The following ABCB11 variants were observed in gnomAD, a reference collection of about 807,000 sequenced individuals.
The protein encoded by ABCB11 is bile salt export pump.
Under a neutral mutation model 148.0 loss-of-function variants are expected in ABCB11, and 95 were observed. The observed-to-expected ratio is 0.64, with a 90% CI of 0.54 to 0.76. ABCB11 has a LOEUF of 0.76. Among genes scored for constraint, ABCB11 ranks in the 30% least tolerant of loss-of-function variants. The probability of loss-of-function intolerance (pLI) is 0.00; values close to 1 mark genes in which losing one functional copy is unlikely to be tolerated. For missense variants in ABCB11, 1,523 were observed against 1,617.8 expected (o/e 0.94, Z 1.01); for synonymous variants, 591 against 555.4 (o/e 1.06, Z -0.90).
At chr2:168,936,514 T>C (rs779332912) in intron 21 of ABCB11, 81 bp from the exon 22 acceptor site, 41 of 1,322,580 alleles carry the variant, frequency 3.1e-5, no homozygotes, top group South Asian at 1.8e-4. Context: ...GGTCAGACCT[T>C]TTATAAAGTT....
intron 6 of ABCB11, among the ~76,000 whole-genome samples, chr2:168,996,425 G>A (rs35440743): frequency 2.3e-3 from 354 of 152,062 alleles, no homozygotes; most frequent in African/African-American, 8.0e-3. Flanking sequence ...ACAACTACGA[G>A]TCTATTATGC....
At chr2:168,925,230 A>G (rs1318105042) in intron 26 of ABCB11, among the ~76,000 whole-genome samples, 2 of 152,352 alleles carry the variant, frequency 1.3e-5, no homozygotes, top group East Asian at 3.9e-4. Context: ...TTAGGGAGGC[A>G]GCATTCTGGA....
chr2:168,925,995 G>T (rs1691291099), intron 26 of ABCB11, among the ~76,000 whole-genome samples: 1 of 152,138 alleles, frequency 6.6e-6, no homozygotes, highest in Admixed American at 6.5e-5. Flanking sequence ...TAAGAACTGG[G>T]CCAAGAGCCT....
At chr2:169,025,295 C>A (rs984011765) in intron 1 of ABCB11, among the ~76,000 whole-genome samples, 1 of 152,142 alleles carries the variant, frequency 6.6e-6, no homozygotes, top group African/African-American at 2.4e-5. Flanking sequence ...CTTCACTCTA[C>A]GTAGTTGGAT....
In ABCB11 at chr2:168,996,684, C is replaced by T. The variant is rs377591610; in HGVS notation, c.428G>A (p.Ser143Asn). Residue 143 changes from serine to asparagine, a missense_variant, in exon 6 of 28, where the codon AGT (serine) becomes AAT (asparagine). Transcript: ENST00000650372. ...TGCGACAGCAATTCCAGCATAGTAACTGGCAAATTTGATCATTTCGCTCTC... is the reference window on the plus strand; with the variant it reads ...TGCGACAGCAATTCCAGCATAGTAATTGGCAAATTTGATCATTTCGCTCTC... ...NIESEMIKFA[S>N]YYAGIAVAVL... 12 of 1,574,864 alleles carry T rather than the reference C, an allele frequency of 7.6e-6. No homozygotes were observed. The highest frequency in any genetic ancestry group is 1.0e-5 in the Non-Finnish European group (12 of 1,158,182).
intron 1 of ABCB11, among the ~76,000 whole-genome samples, chr2:169,021,329 G>A (rs1695533590): frequency 6.6e-6 from 1 of 152,134 alleles, no homozygotes; most frequent in Non-Finnish European, 1.5e-5. Context: ...CAAAATTAAA[G>A]GGTGAAAAGG....
At chr2:168,987,707 A>G (rs1350985503) in intron 9 of ABCB11, among the ~76,000 whole-genome samples, 4 of 152,334 alleles carry the variant, frequency 2.6e-5, no homozygotes, top group South Asian at 4.1e-4. Flanking sequence ...CTGGGATTAC[A>G]GGTGTGAGCC....
chr2:168,934,257 T>A (rs1181040674), intron 23 of ABCB11, among the ~76,000 whole-genome samples: 1 of 151,868 alleles, frequency 6.6e-6, no homozygotes, highest in African/African-American at 2.4e-5. Flanking sequence ...TGTAGTGGAG[T>A]GGGAGAGAAG....
Position 168,970,178 on chromosome 2 carries a change from A to T in ABCB11, c.1676T>A (p.Met559Lys). The change falls in exon 15 of 28, where the codon ATG becomes AAG. Residue 559 changes from methionine (M) to lysine (K), a missense_variant. By Grantham distance (95) the Met-to-Lys change is moderately conservative. Coordinates refer to ENST00000650372, the MANE Select transcript of ABCB11 (RefSeq NM_003742.4). ...DTLVGEGGGQ[M>K]SGGQKQRVAI... Reference sequence around the variant, plus strand: ...TACCCTTTGTTTCTGGCCACCACTCATCTGGCCTCCTCCTTCTCCAACAAG... The same window carrying T: ...TACCCTTTGTTTCTGGCCACCACTCTTCTGGCCTCCTCCTTCTCCAACAAG... 2 of 1,612,538 alleles carry T rather than the reference A, an allele frequency of 1.2e-6. No individual in the cohort carries two copies. The highest frequency in any genetic ancestry group is 1.1e-5 in the South Asian group (1 of 91,038).
At chr2:168,980,129 C>T (rs1694085495) in intron 10 of ABCB11, 150 bp from the exon 11 acceptor site, 4 of 502,212 alleles carry the variant, frequency 8.0e-6, no homozygotes, top group Admixed American at 3.3e-5. Flanking sequence ...TTTGGAAATA[C>T]CCAAAATAAT....
In ABCB11 at chr2:168,930,764, A is replaced by G. The variant is rs2105888583; in HGVS notation, c.3312T>C (p.Ser1104=). The change falls in exon 25 of 28, where the codon AGT becomes AGC. Residue 1104 remains serine (S), a synonymous_variant. Transcript: ENST00000650372. ...CAACAAACGCCAGTGTCTGCCCTGGACTAATCGACACTGAGAGACCATTCA... is the reference window on the plus strand; with the variant it reads ...CAACAAACGCCAGTGTCTGCCCTGGGCTAATCGACACTGAGAGACCATTCA... ...QVLNGLSVSI[S]PGQTLAFVGS... 1 of 1,613,812 alleles carries G rather than the reference A, an allele frequency of 6.2e-7. No homozygotes were observed. Among genetic ancestry groups the G allele is most frequent in the Non-Finnish European group, 8.5e-7 (1 of 1,179,790 alleles).
Position 168,936,534 on chromosome 2 carries a change from TATACATAACA to T in ABCB11, c.2611-111_2611-102del, listed in dbSNP as rs1205340759. The T allele has an allele frequency of 7.8e-6, 8 of 1,024,890 alleles. No homozygotes were observed. In the Admixed American group the frequency reaches 1.6e-4, roughly 21 times the overall value. The allele number at this position is 1,024,890 out of a possible 1,614,324, so 63.5% of individuals were successfully genotyped here. On this transcript the variant is annotated intron_variant, in intron 21 of 27. Transcript: ENST00000650372. ...GACCTTTTATAAAGTTGTGATAAAA[TATACATAACA>T]ATATATATCATTTTAACCATTCTTA...
intron 19 of ABCB11, among the ~76,000 whole-genome samples, chr2:168,945,626 G>C (rs1373722819): frequency 6.6e-6 from 1 of 150,518 alleles, no homozygotes; most frequent in Non-Finnish European, 1.5e-5. Context: ...AGCAAAGAGG[G>C]AGGGAAGGAG....
chr2:168,956,861 G>A (rs853775), intron 19 of ABCB11, among the ~76,000 whole-genome samples: 87,731 of 151,320 alleles, frequency 0.58, 25,704 homozygotes, highest in South Asian at 0.69. Context: ...CCAAGATTGT[G>A]AAAGCCCATT....
chr2:169,001,497 G>T (rs1449381756), intron 5 of ABCB11, among the ~76,000 whole-genome samples: 1 of 152,042 alleles, frequency 6.6e-6, no homozygotes, highest in Non-Finnish European at 1.5e-5. Context: ...TACTATAGTG[G>T]GGATGAGTCA....
intron 23 of ABCB11, among the ~76,000 whole-genome samples, chr2:168,934,396 C>T (rs897921224): frequency 2.0e-5 from 3 of 152,138 alleles, no homozygotes; most frequent in Non-Finnish European, 2.9e-5. Flanking sequence ...ACCCTTACCC[C>T]CCGACTCGCC....
intron 22 of ABCB11, 71 bp from the exon 23 acceptor site, chr2:168,935,496 C>T: frequency 6.5e-7 from 1 of 1,536,982 alleles, no homozygotes; most frequent in Non-Finnish European, 8.8e-7. Context: ...TCAGTGGCTG[C>T]CTGGATTAGA....
intron 17 of ABCB11, among the ~76,000 whole-genome samples, chr2:168,966,919 T>C (rs1693344470): frequency 6.6e-6 from 1 of 151,952 alleles, no homozygotes; most frequent in Admixed American, 6.6e-5. Context: ...TGAGAAATTA[T>C]AGCCAAATTA....
In ABCB11 at chr2:169,013,383, T is replaced by C; in HGVS notation, c.278A>G (p.Tyr93Cys). The C allele has an allele frequency of 6.2e-7, 1 of 1,613,854 alleles. No individual in the cohort carries two copies. The highest frequency in any genetic ancestry group is 8.5e-7 in the Non-Finnish European group (1 of 1,179,796). Reference protein sequence around the residue: ...FGTMTDVFIDYDVELQELQIP... With the variant: ...FGTMTDVFIDCDVELQELQIP... ...CTGGAGTTCTTGTAACTCAACGTCG[T>C]AGTCAATAAAAACATCTGTCATTGT... Residue 93 changes from tyrosine to cysteine, a missense_variant, in exon 5 of 28, where the codon TAC (tyrosine) becomes TGC (cysteine). Coordinates refer to ENST00000650372, the MANE Select transcript of ABCB11 (RefSeq NM_003742.4).
Sources: gnomAD v4.1 joint callset for allele counts (sites outside exome capture counted in the v4.1 genomes callset) on GRCh38, gnomAD v4.1.1 for gene constraint, MANE v1.5 for transcripts, NCBI Gene and HGNC (gene_info 2026-07-23, HGNC 2026-07-21) for gene names.